Variants in SEZ6L2 observed in about 807,000 individuals in gnomAD.
SEZ6L2 encodes the protein seizure 6-like protein 2.
SEZ6L2 carries 44 observed loss-of-function variants against 97.0 expected under a neutral mutation model. The ratio of observed to expected loss-of-function variants is 0.45; its 90% confidence interval spans 0.36 to 0.58. SEZ6L2 has a LOEUF of 0.58. SEZ6L2 is among the 20% of genes least tolerant of loss of function. The pLI, the probability that SEZ6L2 is intolerant of heterozygous loss-of-function variation, is 0.00. For missense variants in SEZ6L2, 1,086 were observed against 1,233.3 expected, an observed-to-expected ratio of 0.88 and a Z score of 1.79; for synonymous variants, 543 against 546.1, an observed-to-expected ratio of 0.99 and a Z score of 0.08.
At chr16:29,890,793 G>C (rs1313813342) in intron 5 of SEZ6L2, among the ~76,000 whole-genome samples, 2 of 126,068 alleles carry the variant, frequency 1.6e-5, no homozygotes, top group Non-Finnish European at 3.1e-5. Context: ...CTGTCACCCA[G>C]TCTGGAGTGC....
rs1239215526 is a variant in SEZ6L2 at position 29,896,819 on chromosome 16, C to T, written c.511+3G>A. ...CACCCCCATCCCCTTGCTGTCGCCT[C>T]ACCTGGGCTGGTCACCGTAGTGGTA... On this transcript the variant is annotated splice_donor_region_variant and intron_variant, in intron 3 of 17. Coordinates refer to ENST00000617533, the MANE Select transcript of SEZ6L2 (RefSeq NM_001243332.2). 1 of 1,613,312 alleles carries T rather than the reference C, an allele frequency of 6.2e-7. No individual in the cohort carries two copies. Among genetic ancestry groups the T allele is most frequent in the Non-Finnish European group, 8.5e-7 (1 of 1,179,544 alleles).
In SEZ6L2 at chr16:29,899,177, G is replaced by A; in HGVS notation, c.-158C>T. ...GAAAGACAATTTCTCTGCCCCTTGG[G>A]ATGGAGGGGCAGAATTGGGCTAGGG... On this transcript the variant is annotated 5_prime_UTR_variant, in exon 1 of 18. Coordinates refer to ENST00000617533, the MANE Select transcript of SEZ6L2 (RefSeq NM_001243332.2). The A allele has an allele frequency of 1.6e-6, 1 of 619,622 alleles. No individual in the cohort carries two copies. Among genetic ancestry groups the A allele is most frequent in the Non-Finnish European group, 2.8e-6 (1 of 361,678 alleles). The allele number at this position is 619,622 out of a possible 1,614,324, so 38.4% of individuals were successfully genotyped here. A position where few individuals can be genotyped will look rare whatever the true frequency, so the allele number is the denominator to read the frequency against.
chr16:29,891,048 T>A (rs1326633865), intron 5 of SEZ6L2, among the ~76,000 whole-genome samples: 2 of 152,172 alleles, frequency 1.3e-5, no homozygotes, highest in East Asian at 3.9e-4. Flanking sequence ...TTCAAGCAAT[T>A]CTCCGGCCTC....
Position 29,895,272 on chromosome 16 carries a change from C to T in SEZ6L2, c.840G>A (p.Arg280=), listed in dbSNP as rs1464838008. The change falls in exon 5 of 18, where the codon AGG becomes AGA. Residue 280 remains arginine (R), a synonymous_variant. Coordinates refer to ENST00000617533, the MANE Select transcript of SEZ6L2 (RefSeq NM_001243332.2). ...SPRVPRGGGF[R]IHYQAYLLSC... ...CAAACTCCTCACCCTGATAGTGGAT[C>T]CTGAAGCCACCGCCCCTTGGGACCC... 5.0e-6 allele frequency: 8 copies of T among 1,613,800 alleles called. No individual in the cohort carries two copies. The highest frequency in any genetic ancestry group is 6.8e-6 in the Non-Finnish European group (8 of 1,179,958).
In SEZ6L2 at chr16:29,873,838, G is replaced by A. The variant is rs539851308; in HGVS notation, c.2105-109C>T. ...AAAATTGAAAAATTAGCCAGGAGTG[G>A]TGGCGCACTCCTGTGGTTCCAGCTA... On this transcript the variant is annotated intron_variant, in intron 12 of 17. Coordinates refer to ENST00000617533, the MANE Select transcript of SEZ6L2 (RefSeq NM_001243332.2). This position sits in a 1 kb window ranked among gnomAD's most constrained non-coding sequence, Gnocchi z 4.3. The A allele has an allele frequency of 3.2e-5, 30 of 950,262 alleles. No homozygotes were observed. In the African/African-American group the frequency reaches 4.3e-4, roughly 14 times the overall value. 58.9% of individuals were successfully genotyped at this position (950,262 alleles called of 1,614,324 possible). A position where few individuals can be genotyped will look rare whatever the true frequency, so the allele number is the denominator to read the frequency against.
intron 4 of SEZ6L2, 116 bp from the exon 5 acceptor site, chr16:29,895,576 C>T (rs2068367853): frequency 2.1e-6 from 3 of 1,416,144 alleles, no homozygotes; most frequent in South Asian, 2.7e-5. Context: ...CACGCTGCTG[C>T]CCAAGTTGTA....
At chr16:29,887,274 T>C (rs1275952883) in intron 7 of SEZ6L2, among the ~76,000 whole-genome samples, 2 of 150,520 alleles carry the variant, frequency 1.3e-5, no homozygotes, top group Non-Finnish European at 3.0e-5. Flanking sequence ...AGTCCCCACT[T>C]AGCCTCCCTA....
Position 29,899,110 on chromosome 16 carries a change from G to GT in SEZ6L2, c.-92dup, listed in dbSNP as rs556364210. 25,856 of 489,452 alleles carry GT rather than the reference G, an allele frequency of 0.053. 88 individuals are homozygous for GT. Among genetic ancestry groups the GT allele is most frequent in the South Asian group, 0.092 (4,247 of 46,348 alleles). 30.3% of individuals were successfully genotyped at this position (489,452 alleles called of 1,614,324 possible). On this transcript the variant is annotated 5_prime_UTR_variant, in exon 1 of 18. Coordinates refer to ENST00000617533, the MANE Select transcript of SEZ6L2 (RefSeq NM_001243332.2). ...TCTCCGTTTATCTTTCCCTTTAATT[G>GT]TTTTTTTTTTTTTTTTTTTTTTCCT...
chr16:29,883,732 G>A (rs1283082372), intron 8 of SEZ6L2, among the ~76,000 whole-genome samples: 6 of 152,038 alleles, frequency 3.9e-5, no homozygotes, highest in Non-Finnish European at 8.8e-5. Flanking sequence ...AGTAGTTGGA[G>A]ACCAGCCTGG....
At chr16:29,877,525 C>T in intron 10 of SEZ6L2, 58 bp from the exon 11 acceptor site, 2 of 1,467,242 alleles carry the variant, frequency 1.4e-6, no homozygotes, top group African/African-American at 1.4e-5. Context: ...TCCCATCCAG[C>T]TCTGCCCCAT....
At position 29,876,722 on chromosome 16, in the gene SEZ6L2, C is replaced by A. The variant is rs367584430; in HGVS notation, c.2104+34G>T. On this transcript the variant is annotated intron_variant, in intron 12 of 17. Transcript: ENST00000617533. The surrounding 1 kb of genome is among the most constrained non-coding windows in gnomAD (Gnocchi z 6.5). ...GACGACGGGGCCCACAGGGAAGGGG[C>A]GGGGCCGAGGGGACGCGGGCGGGGC... 7 of 1,486,802 alleles carry A rather than the reference C, an allele frequency of 4.7e-6. No individual in the cohort carries two copies. Among genetic ancestry groups the A allele is most frequent in the South Asian group, 2.5e-5 (2 of 78,448 alleles). The allele number at this position is 1,486,802 out of a possible 1,614,324, so 92.1% of individuals were successfully genotyped here.
intron 12 of SEZ6L2, among the ~76,000 whole-genome samples, chr16:29,874,897 C>T (rs541643906): frequency 1.1e-4 from 16 of 151,826 alleles, no homozygotes; most frequent in African/African-American, 3.4e-4. Flanking sequence ...GTTTTGGAGA[C>T]GAGAACTTGC....
chr16:29,886,928 T>G (rs1187266443), intron 7 of SEZ6L2, among the ~76,000 whole-genome samples: 1 of 152,066 alleles, frequency 6.6e-6, no homozygotes, highest in Non-Finnish European at 1.5e-5. Context: ...ACGCCTATAA[T>G]TCCAGCACTT....
rs1041773081 is a variant in SEZ6L2, at chr16:29,899,304, AGGGCCGAAG to A, written c.-294_-286del. 3.2e-5 allele frequency: 13 copies of A among 403,972 alleles called. No individual in the cohort carries two copies. Among genetic ancestry groups the A allele is most frequent in the Non-Finnish European group, 5.7e-5 (13 of 226,838 alleles). The allele number at this position is 403,972 out of a possible 1,614,324, so 25.0% of individuals were successfully genotyped here. A position where few individuals can be genotyped will look rare whatever the true frequency, so the allele number is the denominator to read the frequency against. On this transcript the variant is annotated 5_prime_UTR_variant, in exon 1 of 18. Coordinates refer to ENST00000617533, the MANE Select transcript of SEZ6L2 (RefSeq NM_001243332.2). The stretch of plus-strand genomic sequence containing the variant: ...TCCGGCTGCAGGGGGTGGGGCCGAG[AGGGCCGAAG>A]GGGCCGGGTGGCCTGGGTTACCCTC...
chr16:29,892,513 G>A (rs1029318645), intron 5 of SEZ6L2, among the ~76,000 whole-genome samples: 4 of 152,150 alleles, frequency 2.6e-5, no homozygotes, highest in Non-Finnish European at 5.9e-5. Context: ...CCAAATACAC[G>A]TCCCCCAGCT....
At chr16:29,890,743 C>CTTTTTTT (rs71143763) in intron 5 of SEZ6L2, among the ~76,000 whole-genome samples, 20 of 74,358 alleles carry the variant, frequency 2.7e-4, no homozygotes, top group Non-Finnish European at 3.1e-4. Flanking sequence ...TAACCATTGT[C>CTTTTTTT]TTTTTTTTTT....
chr16:29,883,181 T>C (rs1322874914), intron 8 of SEZ6L2, among the ~76,000 whole-genome samples: 4 of 152,226 alleles, frequency 2.6e-5, no homozygotes, highest in African/African-American at 9.6e-5. Context: ...ATTTCATCTT[T>C]TTGGTCTCTC....
intron 1 of SEZ6L2, 34 bp from the exon 2 acceptor site, chr16:29,898,018 C>T (rs2068444052): frequency 1.9e-6 from 3 of 1,610,820 alleles, no homozygotes; most frequent in East Asian, 2.2e-5. Context: ...TTCTCCACTT[C>T]CCCACACCCC....
chr16:29,891,783 G>C (rs2068277255), intron 5 of SEZ6L2, among the ~76,000 whole-genome samples: 1 of 152,224 alleles, frequency 6.6e-6, no homozygotes, highest in Non-Finnish European at 1.5e-5. Context: ...ATGCCTTTGA[G>C]CAGGTGACTT....
Sources: gnomAD v4.1 joint callset for allele counts (sites outside exome capture counted in the v4.1 genomes callset) on GRCh38, gnomAD v4.1.1 for gene constraint, Gnocchi (gnomAD v3.1) non-coding constraint, MANE v1.5 for transcripts, NCBI Gene and HGNC (gene_info 2026-07-23, HGNC 2026-07-21) for gene names.